The following MKLN1 variants were observed in gnomAD, a reference collection of about 807,000 sequenced individuals.
MKLN1 encodes the protein muskelin 1, also known as muskelin.
Under a neutral mutation model 99.0 loss-of-function variants are expected in MKLN1, and 18 were observed. The ratio of observed to expected loss-of-function variants is 0.18; its 90% CI spans 0.13 to 0.27. The LOEUF (loss-of-function observed/expected upper bound fraction) is 0.27, where lower values mean the gene tolerates loss of function less well. Among genes scored for constraint, MKLN1 ranks in the 10% least tolerant of loss-of-function variants. MKLN1 has a pLI of 1.00. For missense variants in MKLN1, 621 were observed against 875.9 expected (o/e 0.71, Z 3.67); for synonymous variants, 288 against 293.2 (o/e 0.98, Z 0.18).
intron 2 of MKLN1, among the ~76,000 whole-genome samples, chr7:131,146,098 T>A (rs1167801938): frequency 6.6e-6 from 1 of 152,220 alleles, no homozygotes; most frequent in Non-Finnish European, 1.5e-5. Context: ...GATTAAGCAA[T>A]TTGCCCAAGG....
At chr7:131,447,490 A>G (rs749621485) in intron 12 of MKLN1, among the ~76,000 whole-genome samples, 3 of 152,138 alleles carry the variant, frequency 2.0e-5, no homozygotes, top group Non-Finnish European at 4.4e-5. Context: ...GCTTGAGCCC[A>G]GGAGTTTGAG....
intron 3 of MKLN1, among the ~76,000 whole-genome samples, chr7:131,313,230 G>C (rs560164583): frequency 6.6e-6 from 1 of 152,062 alleles, no homozygotes; most frequent in East Asian, 1.9e-4. Context: ...AAAGCATTTG[G>C]GTTGGTTATA....
chr7:131,423,630 C>T (rs930332302), intron 8 of MKLN1, among the ~76,000 whole-genome samples: 2 of 152,126 alleles, frequency 1.3e-5, no homozygotes, highest in Non-Finnish European at 2.9e-5. Flanking sequence ...CCACATCCGG[C>T]CTGAAAGTGC....
intron 6 of MKLN1, among the ~76,000 whole-genome samples, chr7:131,403,848 A>G (rs974504007): frequency 6.6e-5 from 10 of 152,148 alleles, no homozygotes; most frequent in Non-Finnish European, 1.2e-4. Flanking sequence ...AAAAGGTTGA[A>G]ACATTACGAG....
At chr7:131,425,343 C>T (rs1189848634) in intron 8 of MKLN1, among the ~76,000 whole-genome samples, 3 of 151,922 alleles carry the variant, frequency 2.0e-5, no homozygotes, top group African/African-American at 4.8e-5. Context: ...AGGTCAAATA[C>T]CACTGTTACC....
intron 3 of MKLN1, among the ~76,000 whole-genome samples, chr7:131,236,660 C>CA (rs912512919): frequency 1.3e-5 from 2 of 150,904 alleles, no homozygotes; most frequent in African/African-American, 4.9e-5. Context: ...GATTCCATCT[C>CA]AAAAAAAAAT....
rs1795949738 is a variant in MKLN1 at position 131,444,749 on chromosome 7, AGT to A, written c.1396-1024_1396-1023del. Among the ~76,000 whole-genome samples, 4 of 103,602 alleles carry A rather than the reference AGT, an allele frequency of 3.9e-5. No individual in the cohort carries two copies. The East Asian group carries it at 1.4e-3, about 37-fold the overall frequency. The allele number at this position is 103,602 out of a possible 152,430, so 68.0% of individuals were successfully genotyped here. A position where few individuals can be genotyped will look rare whatever the true frequency, so the allele number is the denominator to read the frequency against. On this transcript the variant is annotated intron_variant, in intron 11 of 17. Transcript: ENST00000352689. ...TAGTAGTAGTAGTAGTAGTAGTAGT[AGT>A]AGTAGTAGAAGAAGTAGTAGTAGTA...
intron 9 of MKLN1, among the ~76,000 whole-genome samples, chr7:131,433,818 T>A (rs952614783): frequency 6.6e-6 from 1 of 152,156 alleles, no homozygotes; most frequent in African/African-American, 2.4e-5. Flanking sequence ...GGGATTATGA[T>A]GGGAATATGA....
chr7:131,117,570 A>G (rs1243630978), intron 1 of MKLN1, among the ~76,000 whole-genome samples: 1 of 152,236 alleles, frequency 6.6e-6, no homozygotes, highest in Non-Finnish European at 1.5e-5. Context: ...ATACATTACT[A>G]AGTAAAAAAA....
chr7:131,153,042 T>A (rs1228288939), intron 2 of MKLN1, among the ~76,000 whole-genome samples: 4 of 149,508 alleles, frequency 2.7e-5, no homozygotes, highest in South Asian at 2.1e-4. Context: ...TATTTTTTTT[T>A]TTTTTGGCAA....
chr7:131,176,939 C>T (rs1796308078), intron 2 of MKLN1, among the ~76,000 whole-genome samples: 1 of 152,114 alleles, frequency 6.6e-6, no homozygotes, highest in Non-Finnish European at 1.5e-5. Flanking sequence ...GGTAAATGGG[C>T]CTCAGGCTGG....
intron 1 of MKLN1, among the ~76,000 whole-genome samples, chr7:131,365,094 C>T (rs1404149057): frequency 1.3e-5 from 2 of 152,064 alleles, no homozygotes; most frequent in Admixed American, 1.3e-4. Flanking sequence ...CAGTGTGTTC[C>T]CTTTTCTCTG....
intron 1 of MKLN1, among the ~76,000 whole-genome samples, chr7:131,126,616 C>T (rs1406681475): frequency 6.6e-6 from 1 of 152,030 alleles, no homozygotes; most frequent in Non-Finnish European, 1.5e-5. Context: ...TGCAGTGGTG[C>T]GATCTTGGCT....
chr7:131,358,758 G>C (rs2116792720), intron 1 of MKLN1, among the ~76,000 whole-genome samples: 1 of 152,180 alleles, frequency 6.6e-6, no homozygotes, highest in African/African-American at 2.4e-5. Flanking sequence ...TTGGTAGTTT[G>C]TATCTTTTAA....
chr7:131,256,212 C>T lies in MKLN1; in HGVS notation c.-179+53238C>T, dbSNP rs1797655813. ...TGAGCCACCATTCCCAGCCTGTCTA[C>T]TAGTTTTATACCAGAAAAACCATCT... is the stretch of plus-strand genomic sequence containing the variant. On this transcript the variant is annotated intron_variant, in intron 3 of 7. Transcript: ENST00000416992. Among the ~76,000 whole-genome samples the T allele has an allele frequency of 2.6e-5, 4 of 152,212 alleles. No homozygotes were observed. In the South Asian group the frequency reaches 8.3e-4, roughly 32 times the overall value.
chr7:131,419,291 C>T (rs1795123034), intron 8 of MKLN1, among the ~76,000 whole-genome samples: 1 of 126,678 alleles, frequency 7.9e-6, no homozygotes, highest in South Asian at 2.5e-4. Context: ...CGCTCTGTTG[C>T]CCAGGCTGGA....
chr7:131,418,981 A>C (rs1795108728), intron 8 of MKLN1, among the ~76,000 whole-genome samples: 1 of 152,146 alleles, frequency 6.6e-6, no homozygotes, highest in Non-Finnish European at 1.5e-5. Context: ...ATCAAGAGAA[A>C]ACAAAAGAAA....
At chr7:131,163,638 A>G (rs1438598015) in intron 2 of MKLN1, among the ~76,000 whole-genome samples, 1 of 152,200 alleles carries the variant, frequency 6.6e-6, no homozygotes, top group African/African-American at 2.4e-5. Context: ...AGGAGAGACA[A>G]AACTGTCAAG....
rs543362746 is a variant in MKLN1 at position 131,141,867 on chromosome 7, C to T, written c.-418-953C>T. On this transcript the variant is annotated intron_variant, in intron 1 of 7. Transcript: ENST00000416992. ...AGGTTCCTGTAAGTGCTTACGGGGA[C>T]CTTATTTTTTCTATTCACCTTTGTA... Among the ~76,000 whole-genome samples, 152 of 152,264 alleles carry T rather than the reference C, an allele frequency of 1.0e-3. 1 individual carries two copies. In the South Asian group the frequency reaches 0.03, roughly 31 times the overall value.
Sources: allele counts gnomAD v4.1 joint callset (sites outside exome capture counted in the v4.1 genomes callset), GRCh38; gene constraint gnomAD v4.1.1; transcripts MANE v1.5; gene names NCBI Gene and HGNC (gene_info 2026-07-23, HGNC 2026-07-21).